The following KIAA1549L variants were observed in gnomAD, a reference collection of about 807,000 sequenced individuals.
KIAA1549L encodes the protein KIAA1549 like.
In KIAA1549L, 88 loss-of-function variants were observed where a neutral mutation model predicts 160.7. The observed-to-expected ratio is 0.55, with a 90% CI of 0.46 to 0.65. The LOEUF (loss-of-function observed/expected upper bound fraction) is 0.65. Ranked by LOEUF, KIAA1549L falls within the 30% of genes least tolerant of loss-of-function variation. KIAA1549L has a pLI of 0.00. For synonymous variants in KIAA1549L, 950 were observed against 976.7 expected (o/e 0.97, Z 0.51); for missense variants, 2,258 against 2,437.5 (o/e 0.93, Z 1.55).
At chr11:33,621,866 G>C (rs1850967318) in intron 16 of KIAA1549L, among the ~76,000 whole-genome samples, 1 of 152,210 alleles carries the variant, frequency 6.6e-6, no homozygotes, top group African/African-American at 2.4e-5. Context: ...TCCGTGGCAG[G>C]AAAGGAGCCA....
At chr11:33,627,391 A>C (rs7107429) in intron 16 of KIAA1549L, among the ~76,000 whole-genome samples, 107,998 of 149,328 alleles carry the variant, frequency 0.72, 40,057 homozygotes, top group African/African-American at 0.9. Context: ...TGGTCCTGGA[A>C]TCTTTTTGGT....
At chr11:33,524,698 A>G (rs2746551) in intron 1 of KIAA1549L, among the ~76,000 whole-genome samples, 99,007 of 152,018 alleles carry the variant, frequency 0.65, 32,366 homozygotes, top group Middle Eastern at 0.7. Flanking sequence ...CATAAATGCT[A>G]TATATATTTA....
intron 1 of KIAA1549L, among the ~76,000 whole-genome samples, chr11:33,430,057 T>TC (rs1851204074): frequency 9.6e-6 from 1 of 103,978 alleles, no homozygotes; most frequent in Non-Finnish European, 1.9e-5. Flanking sequence ...CTCCCTTCCC[T>TC]CTCTCCTCCG....
chr11:33,565,959 C>T (rs932244811), intron 8 of KIAA1549L, among the ~76,000 whole-genome samples: 1 of 152,096 alleles, frequency 6.6e-6, no homozygotes, highest in Non-Finnish European at 1.5e-5. Flanking sequence ...GCTGCAGAGT[C>T]GTGATCCTGC....
chr11:33,444,103 G>C (rs929813916), intron 1 of KIAA1549L, among the ~76,000 whole-genome samples: 1 of 152,092 alleles, frequency 6.6e-6, no homozygotes, highest in African/African-American at 2.4e-5. Context: ...GATGATCTCA[G>C]AAAACAAAAA....
At chr11:33,420,499 T>C (rs917865060) in intron 1 of KIAA1549L, among the ~76,000 whole-genome samples, 1 of 152,184 alleles carries the variant, frequency 6.6e-6, no homozygotes, top group Non-Finnish European at 1.5e-5. Context: ...AGTGTTAGGA[T>C]TACAGGCGTG....
chr11:33,379,238 A>C (rs1157699155), intron 1 of KIAA1549L, among the ~76,000 whole-genome samples: 1 of 152,038 alleles, frequency 6.6e-6, no homozygotes, highest in African/African-American at 2.4e-5. Context: ...ATTGTTCAGC[A>C]CCTTCCTGTC....
rs553759071 is a variant in KIAA1549L at position 33,570,432 on chromosome 11, C to T, written c.4230+2205C>T. Among the ~76,000 whole-genome samples the T allele has an allele frequency of 6.0e-5, 8 of 133,224 alleles. No homozygotes were observed. In the South Asian group the frequency reaches 1.7e-3, roughly 28 times the overall value. The allele number at this position is 133,224 out of a possible 152,430, so 87.4% of individuals were successfully genotyped here. A position where few individuals can be genotyped will look rare whatever the true frequency, so the allele number is the denominator to read the frequency against. ...AGGGTGTAGATCACCTTGTAACATA[C>T]CCTTAAGGAAATCTTGGCAGGAGGA... On this transcript the variant is annotated intron_variant, in intron 9 of 20. Transcript: ENST00000658780.
intron 1 of KIAA1549L, among the ~76,000 whole-genome samples, chr11:33,533,241 A>G (rs1048930244): frequency 6.6e-6 from 1 of 152,200 alleles, no homozygotes; most frequent in Non-Finnish European, 1.5e-5. Context: ...AGTCTTGTGT[A>G]CAAGAACTGA....
intron 1 of KIAA1549L, among the ~76,000 whole-genome samples, chr11:33,485,986 A>G (rs1267602738): frequency 1.3e-5 from 2 of 152,134 alleles, no homozygotes; most frequent in Non-Finnish European, 2.9e-5. Flanking sequence ...GTATTCCATC[A>G]TGTATATATT....
At chr11:33,459,954 C>T (rs1742041657) in intron 1 of KIAA1549L, among the ~76,000 whole-genome samples, 1 of 33,270 alleles carries the variant, frequency 3.0e-5, no homozygotes, top group South Asian at 9.5e-4. Context: ...GAGCGAGACT[C>T]CGTCTCAAAA....
intron 6 of KIAA1549L, among the ~76,000 whole-genome samples, chr11:33,555,333 A>G (rs1854611294): frequency 6.6e-6 from 1 of 152,174 alleles, no homozygotes; most frequent in South Asian, 2.1e-4. Flanking sequence ...ATGGAATCTC[A>G]AGGGGCTTTG....
intron 1 of KIAA1549L, chr11:33,403,254 CACACA>C (rs1850544108): frequency 2.2e-4 from 11 of 49,842 alleles, no homozygotes; most frequent in South Asian, 5.4e-4. Flanking sequence ...TGCAGACACA[CACACA>C]GACACAGACA....
chr11:33,539,032 G>C (rs1347404022), intron 1 of KIAA1549L, among the ~76,000 whole-genome samples: 1 of 152,168 alleles, frequency 6.6e-6, no homozygotes, highest in Non-Finnish European at 1.5e-5. Context: ...AATAATTTCA[G>C]TCTGTTGACA....
At chr11:33,554,168 A>G (rs1336755774) in intron 6 of KIAA1549L, among the ~76,000 whole-genome samples, 1 of 152,160 alleles carries the variant, frequency 6.6e-6, no homozygotes, top group African/African-American at 2.4e-5. Flanking sequence ...GTCTTTCACC[A>G]GGGCCTGTTT....
intron 1 of KIAA1549L, among the ~76,000 whole-genome samples, chr11:33,397,992 C>G (rs540056303): frequency 1.2e-4 from 17 of 144,220 alleles, no homozygotes; most frequent in African/African-American, 4.1e-4. Context: ...GGCACAATCT[C>G]GGCTCACTGC....
At chr11:33,385,616 C>T (rs1422508179) in intron 1 of KIAA1549L, among the ~76,000 whole-genome samples, 3 of 152,128 alleles carry the variant, frequency 2.0e-5, no homozygotes, top group Non-Finnish European at 4.4e-5. Flanking sequence ...ATCTTTTTGG[C>T]TATTCTAGGT....
chr11:33,497,665 C>T (rs146881578), intron 1 of KIAA1549L, among the ~76,000 whole-genome samples: 23 of 152,050 alleles, frequency 1.5e-4, no homozygotes, highest in South Asian at 8.3e-4. Context: ...ATTTACATTA[C>T]GAAAACATCT....
chr11:33,648,111 CAGCCTCCCGAGT>C (rs1851777431), intron 17 of KIAA1549L, among the ~76,000 whole-genome samples: 1 of 152,150 alleles, frequency 6.6e-6, no homozygotes. Flanking sequence ...TCTCGTGCCT[CAGCCTCCCGAGT>C]AGCTGGGACT....
Sources: allele counts gnomAD v4.1 joint callset (sites outside exome capture counted in the v4.1 genomes callset), GRCh38; gene constraint gnomAD v4.1.1; transcripts MANE v1.5; gene names NCBI Gene and HGNC (gene_info 2026-07-23, HGNC 2026-07-21).